The following PLCB4 variants were observed in gnomAD, a reference collection of about 807,000 sequenced individuals.
PLCB4 encodes phospholipase C beta 4, also known as 1-phosphatidylinositol 4,5-bisphosphate phosphodiesterase beta-4.
In PLCB4, 77 loss-of-function variants were observed where a neutral mutation model predicts 178.8. That is an observed-to-expected ratio of 0.43 (90% CI 0.36 to 0.52). The LOEUF is 0.52. Among genes scored for constraint, PLCB4 ranks in the 20% least tolerant of loss-of-function variants. PLCB4 has a pLI of 0.00. For missense variants in PLCB4, 1,024 were observed against 1,453.4 expected (o/e 0.70, Z 4.80); for synonymous variants, 496 against 490.8 (o/e 1.01, Z -0.14).
At chr20:9,444,134 GA>G (rs1198726336) in intron 31 of PLCB4, 43 bp from the exon 32 acceptor site, 17 of 1,509,730 alleles carry the variant, frequency 1.1e-5, no homozygotes, top group Non-Finnish European at 1.6e-5. Context: ...ATTACAAAAA[GA>G]AAAAACAAAA....
At chr20:9,230,469 A>G (rs183862792) in intron 3 of PLCB4, among the ~76,000 whole-genome samples, 4 of 152,204 alleles carry the variant, frequency 2.6e-5, no homozygotes, top group Non-Finnish European at 5.9e-5. Context: ...TAGGAGGGGA[A>G]TCTGTAGACT....
intron 21 of PLCB4, among the ~76,000 whole-genome samples, chr20:9,407,628 G>A (rs2039545774): frequency 6.6e-6 from 1 of 152,138 alleles, no homozygotes; most frequent in Non-Finnish European, 1.5e-5. Context: ...TTAAAGGCAT[G>A]AGCCACCGTT....
intron 1 of PLCB4, among the ~76,000 whole-genome samples, chr20:9,076,083 A>G (rs1449184817): frequency 6.6e-6 from 1 of 151,960 alleles, no homozygotes; most frequent in Non-Finnish European, 1.5e-5. Flanking sequence ...TTCTCTCCCT[A>G]TACCCTATTT....
intron 3 of PLCB4, among the ~76,000 whole-genome samples, chr20:9,279,126 T>G (rs935078685): frequency 6.6e-6 from 1 of 152,072 alleles, no homozygotes; most frequent in Non-Finnish European, 1.5e-5. Context: ...AGTATGTTAT[T>G]TGGTTAAAGA....
intron 3 of PLCB4, among the ~76,000 whole-genome samples, chr20:9,270,904 A>G (rs1299319911): frequency 6.6e-6 from 1 of 152,032 alleles, no homozygotes; most frequent in Non-Finnish European, 1.5e-5. Flanking sequence ...TACCACCCAT[A>G]TTTTCATTTG....
chr20:9,146,743 C>T (rs999280751), intron 2 of PLCB4, among the ~76,000 whole-genome samples: 6 of 152,004 alleles, frequency 3.9e-5, no homozygotes, highest in South Asian at 2.1e-4. Context: ...CCCAAGGTGC[C>T]GGAGCCATCT....
At chr20:9,337,627 A>C (rs965475281) in intron 5 of PLCB4, among the ~76,000 whole-genome samples, 2 of 152,220 alleles carry the variant, frequency 1.3e-5, no homozygotes, top group Admixed American at 1.3e-4. Context: ...TTTAATGAAC[A>C]ATTGAGCTGA....
At chr20:9,107,538 G>A (rs1303037474) in intron 2 of PLCB4, among the ~76,000 whole-genome samples, 1 of 152,132 alleles carries the variant, frequency 6.6e-6, no homozygotes, top group Admixed American at 6.5e-5. Flanking sequence ...GCTTTTGGGG[G>A]TGGGAGGTAG....
At chr20:9,355,408 A>G (rs2034712681) in intron 7 of PLCB4, among the ~76,000 whole-genome samples, 1 of 152,014 alleles carries the variant, frequency 6.6e-6, no homozygotes, top group African/African-American at 2.4e-5. Context: ...CTCGTCATTT[A>G]GCATTAGGTA....
chr20:9,276,828 T>C (rs941590046), intron 3 of PLCB4, among the ~76,000 whole-genome samples: 1 of 152,078 alleles, frequency 6.6e-6, no homozygotes, highest in African/African-American at 2.4e-5. Context: ...TGCAGTTTCA[T>C]ACTTGGGAGG....
chr20:9,149,994 G>A (rs2092664711), intron 2 of PLCB4, among the ~76,000 whole-genome samples: 3 of 152,190 alleles, frequency 2.0e-5, no homozygotes, highest in African/African-American at 7.2e-5. Flanking sequence ...GCAGTTGACC[G>A]TGAATGGAAC....
chr20:9,347,106 G>A (rs1157128908), intron 7 of PLCB4, among the ~76,000 whole-genome samples: 1 of 152,210 alleles, frequency 6.6e-6, no homozygotes, highest in Non-Finnish European at 1.5e-5. Context: ...TGTGAACTCA[G>A]ATGCCTGTGG....
chr20:9,129,938 T>G (rs1230262363), intron 2 of PLCB4, among the ~76,000 whole-genome samples: 1 of 152,150 alleles, frequency 6.6e-6, no homozygotes, highest in East Asian at 1.9e-4. Context: ...TGTTTCTTCC[T>G]TTTGCTACCA....
intron 2 of PLCB4, among the ~76,000 whole-genome samples, chr20:9,194,454 A>G (rs1038772754): frequency 4.6e-5 from 7 of 152,102 alleles, no homozygotes; most frequent in African/African-American, 1.7e-4. Flanking sequence ...TGGGAGGACA[A>G]GGTGGGTGGA....
intron 3 of PLCB4, among the ~76,000 whole-genome samples, chr20:9,306,674 C>G (rs1057196551): frequency 9.2e-5 from 14 of 152,212 alleles, no homozygotes; most frequent in African/African-American, 3.4e-4. Context: ...CTTCCATGTT[C>G]TTTGCATTGC....
intron 2 of PLCB4, among the ~76,000 whole-genome samples, chr20:9,141,503 T>C (rs2092489925): frequency 6.6e-6 from 1 of 152,126 alleles, no homozygotes; most frequent in Non-Finnish European, 1.5e-5. Context: ...GATTCTACAC[T>C]CTTTGCATGC....
chr20:9,215,751 G>GAGCTAGAGGT (rs892339856), intron 2 of PLCB4, among the ~76,000 whole-genome samples: 1 of 152,148 alleles, frequency 6.6e-6, no homozygotes, highest in Non-Finnish European at 1.5e-5. Flanking sequence ...CCCCTAGAGG[G>GAGCTAGAGGT]AGCTAGAGGT....
At chr20:9,277,907 T>C (rs1601576201) in intron 3 of PLCB4, among the ~76,000 whole-genome samples, 1 of 152,072 alleles carries the variant, frequency 6.6e-6, no homozygotes, top group Non-Finnish European at 1.5e-5. Context: ...GCCCTGTGTC[T>C]GTGATTTCCC....
intron 3 of PLCB4, among the ~76,000 whole-genome samples, chr20:9,301,356 G>A (rs531823913): frequency 5.0e-4 from 76 of 152,004 alleles, no homozygotes; most frequent in African/African-American, 1.7e-3. Flanking sequence ...CTACCAGAAC[G>A]TGAGGCACAT....
Sources: gnomAD v4.1 joint callset for allele counts (sites outside exome capture counted in the v4.1 genomes callset) on GRCh38, gnomAD v4.1.1 for gene constraint, MANE v1.5 for transcripts, NCBI Gene and HGNC (gene_info 2026-07-23, HGNC 2026-07-21) for gene names.